Variants in CTNNA2 observed in about 807,000 individuals in gnomAD.
CTNNA2 encodes the protein catenin alpha-2.
A neutral mutation model predicts 101.0 loss-of-function variants in CTNNA2; 42 were observed. The observed-to-expected ratio is 0.42, with a 90% CI of 0.32 to 0.54. CTNNA2 has a LOEUF of 0.54. Ranked by LOEUF, CTNNA2 falls within the 20% of genes least tolerant of loss-of-function variation. The pLI is 0.14. For synonymous variants in CTNNA2, 450 were observed against 456.4 expected, an observed-to-expected ratio of 0.99 and a Z score of 0.18; for missense variants, 871 against 1,223.1, an observed-to-expected ratio of 0.71 and a Z score of 4.29.
chr2:79,460,636 A>T (rs1255612261), intron 4 of CTNNA2, among the ~76,000 whole-genome samples: 1 of 151,976 alleles, frequency 6.6e-6, no homozygotes, highest in Non-Finnish European at 1.5e-5. Context: ...GATTTTTCCC[A>T]TTCTCTACTC....
intron 3 of CTNNA2, among the ~76,000 whole-genome samples, chr2:79,761,578 G>A (rs1055895674): frequency 3.9e-5 from 6 of 152,142 alleles, no homozygotes; most frequent in African/African-American, 1.4e-4. Flanking sequence ...GCACGTATTT[G>A]TATGGGCTGC....
chr2:79,779,659 C>T (rs533209189), intron 3 of CTNNA2, among the ~76,000 whole-genome samples: 2 of 152,204 alleles, frequency 1.3e-5, no homozygotes, highest in African/African-American at 2.4e-5. Context: ...CTGGACTTTC[C>T]TAAAGTCTTT....
chr2:79,486,144 T>C (rs1255250997), intron 4 of CTNNA2, among the ~76,000 whole-genome samples: 1 of 152,176 alleles, frequency 6.6e-6, no homozygotes, highest in Non-Finnish European at 1.5e-5. Context: ...TATATATGTA[T>C]ACATGTGCCA....
intron 7 of CTNNA2, among the ~76,000 whole-genome samples, chr2:80,239,148 A>G (rs1165041367): frequency 1.3e-5 from 2 of 152,144 alleles, no homozygotes; most frequent in Non-Finnish European, 2.9e-5. Flanking sequence ...TAAAGATTAC[A>G]ATTATTATGC....
At chr2:79,383,956 G>A (rs553850123) in intron 4 of CTNNA2, among the ~76,000 whole-genome samples, 8 of 152,280 alleles carry the variant, frequency 5.3e-5, no homozygotes, top group African/African-American at 1.7e-4. Context: ...AGGGAAAGGA[G>A]AGTAGGAGCT....
chr2:80,013,682 A>T (rs886333180), intron 7 of CTNNA2, among the ~76,000 whole-genome samples: 1 of 152,158 alleles, frequency 6.6e-6, no homozygotes, highest in African/African-American at 2.4e-5. Context: ...CACCAGGAAA[A>T]ATCAGTCTCT....
chr2:80,564,077 G>A (rs188526699), intron 12 of CTNNA2, among the ~76,000 whole-genome samples: 36 of 152,294 alleles, frequency 2.4e-4, no homozygotes, highest in Non-Finnish European at 3.8e-4. Context: ...TAATGACACA[G>A]TTACCTTATT....
At chr2:79,611,965 A>G (rs1025937421) in intron 1 of CTNNA2, among the ~76,000 whole-genome samples, 2 of 152,050 alleles carry the variant, frequency 1.3e-5, no homozygotes, top group Non-Finnish European at 2.9e-5. Context: ...CATCTAGCAG[A>G]TCTCCCATAG....
intron 18 of CTNNA2, among the ~76,000 whole-genome samples, chr2:80,639,515 G>A (rs1046805836): frequency 3.7e-5 from 4 of 108,550 alleles, no homozygotes; most frequent in South Asian, 3.0e-4. Context: ...CAGCCTTGAT[G>A]TGTGTGTGTG....
intron 17 of CTNNA2, among the ~76,000 whole-genome samples, chr2:80,617,603 A>C (rs2149800458): frequency 6.6e-6 from 1 of 151,876 alleles, no homozygotes; most frequent in Non-Finnish European, 1.5e-5. Flanking sequence ...TTCTTTAAAG[A>C]CATTCTTTAA....
At chr2:80,035,481 A>G (rs542656900) in intron 7 of CTNNA2, among the ~76,000 whole-genome samples, 1 of 152,216 alleles carries the variant, frequency 6.6e-6, no homozygotes, top group Non-Finnish European at 1.5e-5. Context: ...ATATAAACTT[A>G]TAAACTTTAG....
intron 3 of CTNNA2, among the ~76,000 whole-genome samples, chr2:79,805,152 C>T (rs6708753): frequency 0.14 from 21,497 of 152,056 alleles, 1,561 homozygotes; most frequent in Admixed American, 0.18. Context: ...GTAATAAGCC[C>T]AAGGGGACTA....
rs75282617 is a variant in CTNNA2, at chr2:80,015,321, T to A, written c.1056+105524T>A. Among the ~76,000 whole-genome samples the A allele has an allele frequency of 2.4e-4, 36 of 152,244 alleles. No individual in the cohort carries two copies. The East Asian group carries it at 6.4e-3, about 27-fold the overall frequency. On this transcript the variant is annotated intron_variant, in intron 7 of 18. Transcript: ENST00000402739. ...AAATTAAACCAACCCAATGCTATAATTGAGAGAAAGAGCTTCTGTTTTAAT... is the reference window on the plus strand; with the variant it reads ...AAATTAAACCAACCCAATGCTATAAATGAGAGAAAGAGCTTCTGTTTTAAT...
chr2:80,590,311 A>C (rs1696358698), intron 15 of CTNNA2, among the ~76,000 whole-genome samples: 1 of 152,162 alleles, frequency 6.6e-6, no homozygotes, highest in Admixed American at 6.5e-5. Flanking sequence ...CTTACTCTCT[A>C]TTTGCGAAAT....
chr2:79,295,150 T>C (rs1476202933), intron 2 of CTNNA2, among the ~76,000 whole-genome samples: 2 of 152,172 alleles, frequency 1.3e-5, no homozygotes, highest in Non-Finnish European at 2.9e-5. Context: ...TTCTGTGACA[T>C]TCCATCAGTC....
At chr2:80,000,765 T>C (rs1326444887) in intron 7 of CTNNA2, among the ~76,000 whole-genome samples, 2 of 152,200 alleles carry the variant, frequency 1.3e-5, no homozygotes, top group African/African-American at 2.4e-5. Flanking sequence ...TCAAGAGGGC[T>C]TTTGCTGTGC....
At chr2:79,719,342 G>A (rs984689973) in intron 2 of CTNNA2, among the ~76,000 whole-genome samples, 5 of 152,076 alleles carry the variant, frequency 3.3e-5, no homozygotes, top group African/African-American at 1.2e-4. Flanking sequence ...ATTCCATGAT[G>A]TTGCTGTTGT....
intron 7 of CTNNA2, among the ~76,000 whole-genome samples, chr2:80,177,537 A>G (rs964481432): frequency 2.0e-5 from 3 of 152,170 alleles, no homozygotes; most frequent in African/African-American, 4.8e-5. Context: ...GAGCCCATGC[A>G]TAACCTCCAT....
In CTNNA2 at chr2:79,601,421, G is replaced by A. The variant is rs192569350; in HGVS notation, c.-5-50131G>A. Among the ~76,000 whole-genome samples, 3 of 152,302 alleles carry A rather than the reference G, an allele frequency of 2.0e-5. No homozygotes were observed. In the East Asian group the frequency reaches 5.8e-4, roughly 29 times the overall value. On this transcript the variant is annotated intron_variant, in intron 1 of 18. Coordinates refer to ENST00000402739, the MANE Select transcript of CTNNA2 (RefSeq NM_001282597.3). ...ACCCTGCAAGGTTGTCCTGATTCGA[G>A]CCAGGGAGCTGGGCTCTCATACTCT...
Sources: allele counts gnomAD v4.1 joint callset (sites outside exome capture counted in the v4.1 genomes callset), GRCh38; gene constraint gnomAD v4.1.1; transcripts MANE v1.5; gene names NCBI Gene and HGNC (gene_info 2026-07-23, HGNC 2026-07-21).